The following CNTN4 variants were observed in gnomAD, a reference collection of about 807,000 sequenced individuals.
CNTN4 encodes contactin-4.
A neutral mutation model predicts 122.5 loss-of-function variants in CNTN4; 77 were observed. The observed-to-expected ratio is 0.63, with a 90% CI of 0.52 to 0.76. The LOEUF is 0.76. Ranked by LOEUF, CNTN4 falls within the 30% of genes least tolerant of loss-of-function variation. The probability of loss-of-function intolerance (pLI) is 0.00; values close to 1 mark genes in which losing one functional copy is unlikely to be tolerated. For synonymous variants in CNTN4, 512 were observed against 447.0 expected (o/e 1.15, Z -1.83); for missense variants, 1,256 against 1,259.1 (o/e 1.00, Z 0.04).
At chr3:2,584,321 G>C (rs1021032762) in intron 4 of CNTN4, among the ~76,000 whole-genome samples, 1 of 152,042 alleles carries the variant, frequency 6.6e-6, no homozygotes, top group Non-Finnish European at 1.5e-5. Context: ...CATGCCTTCT[G>C]GCCTTTCTGT....
At chr3:2,850,995 T>C (rs996208748) in intron 7 of CNTN4, among the ~76,000 whole-genome samples, 20 of 152,192 alleles carry the variant, frequency 1.3e-4, no homozygotes, top group Non-Finnish European at 2.5e-4. Flanking sequence ...GTATCAATTA[T>C]TGAACATCTG....
At chr3:2,626,209 T>C (rs1170077289) in intron 4 of CNTN4, among the ~76,000 whole-genome samples, 1 of 152,172 alleles carries the variant, frequency 6.6e-6, no homozygotes, top group African/African-American at 2.4e-5. Flanking sequence ...AAGTTTTTTC[T>C]TTATGATTGT....
chr3:2,543,549 C>T (rs2078116052), intron 3 of CNTN4, among the ~76,000 whole-genome samples: 1 of 152,062 alleles, frequency 6.6e-6, no homozygotes, highest in Non-Finnish European at 1.5e-5. Flanking sequence ...CATAGGCCAA[C>T]TGGAGCTCAC....
chr3:2,927,460 A>C, intron 13 of CNTN4: 1 of 372,658 alleles, frequency 2.7e-6, no homozygotes. Flanking sequence ...CTCACATTTC[A>C]TTGGCCAAAA....
intron 3 of CNTN4, among the ~76,000 whole-genome samples, chr3:2,488,222 TA>T (rs1422083844): frequency 1.6e-4 from 25 of 152,250 alleles, no homozygotes; most frequent in Non-Finnish European, 3.1e-4. Context: ...TCATGTTTGC[TA>T]GGAAAATGTA....
chr3:2,184,314 T>G (rs2037151459), intron 2 of CNTN4, among the ~76,000 whole-genome samples: 1 of 151,992 alleles, frequency 6.6e-6, no homozygotes. Context: ...GAACTTCCCT[T>G]CCAGGAAGGG....
At chr3:3,047,726 G>A (rs1700815291) in intron 23 of CNTN4, among the ~76,000 whole-genome samples, 1 of 150,362 alleles carries the variant, frequency 6.7e-6, no homozygotes, top group Non-Finnish European at 1.5e-5. Context: ...AACTAGAGAA[G>A]CAAGAGCAAA....
In CNTN4 at chr3:2,364,529, A is replaced by G. The variant is rs559161967; in HGVS notation, c.-89+25296A>G. Among the ~76,000 whole-genome samples the G allele has an allele frequency of 2.1e-4, 32 of 152,176 alleles. No homozygotes were observed. In the Middle Eastern group the frequency reaches 0.01, roughly 49 times the overall value. ...ATGTTAGCTGAGGTTAGATCATTTC[A>G]AAAGAACCTTCTGGCATTTGTTGAC... On this transcript the variant is annotated intron_variant, in intron 3 of 24. Coordinates refer to ENST00000418658, the MANE Select transcript of CNTN4 (RefSeq NM_175607.3).
chr3:2,637,801 C>A (rs961738875), intron 4 of CNTN4, among the ~76,000 whole-genome samples: 1 of 152,130 alleles, frequency 6.6e-6, no homozygotes, highest in Admixed American at 6.6e-5. Flanking sequence ...TCATGCCTAC[C>A]CTTGCCTAAA....
In CNTN4 at chr3:2,956,454, A is replaced by T. The variant is rs1394132262; in HGVS notation, c.1358+30675A>T. On this transcript the variant is annotated intron_variant, in intron 13 of 24. Transcript: ENST00000418658. ...ATGGCATTTTTTATGTTATATATATATTTTACCACAGTAAAAAAGATATAA... is the reference window on the plus strand; with the variant it reads ...ATGGCATTTTTTATGTTATATATATTTTTTACCACAGTAAAAAAGATATAA... 2.6e-5 allele frequency among the ~76,000 whole-genome samples: 4 copies of T among 152,220 alleles called. No individual in the cohort carries two copies. In the East Asian group the frequency reaches 7.7e-4, roughly 29 times the overall value.
chr3:2,378,025 C>T (rs146375490), intron 3 of CNTN4, among the ~76,000 whole-genome samples: 18 of 152,276 alleles, frequency 1.2e-4, no homozygotes, highest in Non-Finnish European at 2.5e-4. Flanking sequence ...TATGAGATGG[C>T]ATCGTTACTG....
At chr3:2,815,234 T>C (rs796176500) in intron 6 of CNTN4, among the ~76,000 whole-genome samples, 21 of 152,136 alleles carry the variant, frequency 1.4e-4, no homozygotes, top group African/African-American at 5.1e-4. Flanking sequence ...CAAAGATAAA[T>C]AGCTGGGACC....
At chr3:2,183,805 C>G (rs2037128269) in intron 2 of CNTN4, among the ~76,000 whole-genome samples, 1 of 152,092 alleles carries the variant, frequency 6.6e-6, no homozygotes, top group Non-Finnish European at 1.5e-5. Context: ...CCCCAAGCTA[C>G]TAAGATGCCA....
chr3:2,127,160 GGCA>G (rs1442574673), intron 2 of CNTN4, among the ~76,000 whole-genome samples: 5 of 152,098 alleles, frequency 3.3e-5, no homozygotes, highest in Non-Finnish European at 7.3e-5. Context: ...CACCTTTGTG[GGCA>G]GTGCCCTTGC....
At chr3:2,830,115 C>A (rs1387183526) in intron 7 of CNTN4, among the ~76,000 whole-genome samples, 1 of 152,084 alleles carries the variant, frequency 6.6e-6, no homozygotes, top group Non-Finnish European at 1.5e-5. Context: ...TGCTTTTGTG[C>A]AAACGTTTCT....
intron 2 of CNTN4, among the ~76,000 whole-genome samples, chr3:2,268,776 C>G (rs1181480250): frequency 6.6e-6 from 1 of 152,102 alleles, no homozygotes; most frequent in Non-Finnish European, 1.5e-5. Context: ...TTATCAGCCA[C>G]CTGCATGCAA....
At chr3:2,762,105 G>A (rs1008290850) in intron 6 of CNTN4, among the ~76,000 whole-genome samples, 2 of 152,206 alleles carry the variant, frequency 1.3e-5, no homozygotes, top group African/African-American at 4.8e-5. Flanking sequence ...AACCTCAAGT[G>A]TGGTGAATGT....
chr3:2,474,156 C>G (rs1242029064), intron 3 of CNTN4, among the ~76,000 whole-genome samples: 1 of 152,138 alleles, frequency 6.6e-6, no homozygotes, highest in Non-Finnish European at 1.5e-5. Context: ...TTTAGATACC[C>G]TTTCTATGCT....
intron 7 of CNTN4, among the ~76,000 whole-genome samples, chr3:2,844,150 G>C (rs1045256799): frequency 6.6e-6 from 1 of 152,186 alleles, no homozygotes; most frequent in Non-Finnish European, 1.5e-5. Flanking sequence ...CTCGTGGCTT[G>C]CAACCTTCTT....
Sources: allele counts gnomAD v4.1 joint callset (sites outside exome capture counted in the v4.1 genomes callset), GRCh38; gene constraint gnomAD v4.1.1; transcripts MANE v1.5; gene names NCBI Gene and HGNC (gene_info 2026-07-23, HGNC 2026-07-21).